ZMYM2: variants seen among roughly 807,000 people sequenced by gnomAD.
ZMYM2 encodes the protein zinc finger MYM-type protein 2.
Under a neutral mutation model 162.8 loss-of-function variants are expected in ZMYM2, and 56 were observed. The ratio of observed to expected loss-of-function variants is 0.34; its 90% CI spans 0.28 to 0.43. The LOEUF (loss-of-function observed/expected upper bound fraction) is 0.43, where lower values mean the gene tolerates loss of function less well. Among genes scored for constraint, ZMYM2 ranks in the 20% least tolerant of loss-of-function variants. The probability of loss-of-function intolerance (pLI) is 1.00; values close to 1 mark genes in which losing one functional copy is unlikely to be tolerated. For missense variants in ZMYM2, 1,275 were observed against 1,621.8 expected, an observed-to-expected ratio of 0.79 and a Z score of 3.67; for synonymous variants, 510 against 541.6, an observed-to-expected ratio of 0.94 and a Z score of 0.81.
At chr13:20,079,090 G>T (rs1957723275) in intron 21 of ZMYM2, among the ~76,000 whole-genome samples, 1 of 151,474 alleles carries the variant, frequency 6.6e-6, no homozygotes, top group African/African-American at 2.4e-5. Context: ...GGAGGCTGAG[G>T]CAGGCAGATC....
rs768191182 is a variant in ZMYM2, at chr13:20,003,025, C to T, written c.1023C>T (p.Gly341=). The T allele has an allele frequency of 1.9e-6, 3 of 1,614,164 alleles. No homozygotes were observed. Among genetic ancestry groups the T allele is most frequent in the Non-Finnish European group, 2.5e-6 (3 of 1,180,018 alleles). The part of the protein sequence containing the change: ...CANCKKPLQK[G]QTAYQRKGSA... ...ACTGCAAAAAACCTTTACAGAAGGG[C>T]CAGACAGCTTATCAACGAAAAGGAT... Residue 341 remains glycine (G), a synonymous_variant, in exon 4 of 25, where the codon GGC becomes GGT. Coordinates refer to ENST00000610343, the MANE Select transcript of ZMYM2 (RefSeq NM_197968.4).
chr13:19,970,742 C>G (rs1329476830), intron 2 of ZMYM2, among the ~76,000 whole-genome samples: 1 of 152,066 alleles, frequency 6.6e-6, no homozygotes, highest in Non-Finnish European at 1.5e-5. Context: ...GGTCTTTTCC[C>G]TCATGGACCT....
the ZMYM2 span, among the ~76,000 whole-genome samples, chr13:19,911,581 C>CAA: frequency 6.6e-6 from 1 of 152,134 alleles, no homozygotes; most frequent in African/African-American, 2.4e-5. Context: ...CACTGACTGT[C>CAA]AAATCTCAGA....
chr13:19,923,606 A>G, the ZMYM2 span, among the ~76,000 whole-genome samples: 1 of 141,450 alleles, frequency 7.1e-6, no homozygotes, highest in African/African-American at 2.7e-5. Flanking sequence ...CGATCCTTAC[A>G]CCCCAACTTC....
chr13:19,882,544 T>G, the ZMYM2 span, among the ~76,000 whole-genome samples: 1 of 151,978 alleles, frequency 6.6e-6, no homozygotes, highest in Non-Finnish European at 1.5e-5. Context: ...CCCAGGAGTT[T>G]GAGACCAGCC....
chr13:19,890,313 A>C, the ZMYM2 span, among the ~76,000 whole-genome samples: 1 of 151,348 alleles, frequency 6.6e-6, no homozygotes, highest in Non-Finnish European at 1.5e-5. Flanking sequence ...ACTACTTGAG[A>C]CCACCACGCC....
upstream of ZMYM2, among the ~76,000 whole-genome samples, chr13:19,957,513 AAAGAG>A (rs1954616352): frequency 6.6e-6 from 1 of 150,390 alleles, no homozygotes; most frequent in African/African-American, 2.5e-5. Context: ...ACGAGGAACA[AAAGAG>A]AAGACCCCTC....
chr13:19,917,111 C>G, the ZMYM2 span, among the ~76,000 whole-genome samples: 6 of 152,136 alleles, frequency 3.9e-5, no homozygotes, highest in African/African-American at 1.2e-4. Flanking sequence ...TACAGGCGCC[C>G]GCCACGACGC....
At chr13:19,901,317 T>C in the ZMYM2 span, among the ~76,000 whole-genome samples, 513 of 152,320 alleles carry the variant, frequency 3.4e-3, 1 homozygote, top group South Asian at 0.026. Flanking sequence ...CTCAAAGAGA[T>C]ATTAGTGCAT....
intron 2 of ZMYM2, among the ~76,000 whole-genome samples, chr13:19,976,542 C>G (rs553161970): frequency 3.3e-5 from 5 of 152,286 alleles, no homozygotes; most frequent in African/African-American, 1.2e-4. Flanking sequence ...AACCAGAACT[C>G]TACGTATTAA....
intron 12 of ZMYM2, among the ~76,000 whole-genome samples, chr13:20,043,025 A>G (rs890542282): frequency 4.0e-5 from 6 of 151,228 alleles, no homozygotes; most frequent in Non-Finnish European, 7.4e-5. Flanking sequence ...TGCCCAGCCA[A>G]TTTTTTTTTC....
In ZMYM2 at chr13:20,002,866, G is replaced by A. The variant is rs893877001; in HGVS notation, c.864G>A (p.Gln288=). 1 of 1,613,490 alleles carries A rather than the reference G, an allele frequency of 6.2e-7. No homozygotes were observed. The highest frequency in any genetic ancestry group is 2.2e-5 in the East Asian group (1 of 44,870). Residue 288 remains glutamine, a synonymous_variant, in exon 4 of 25, where the codon CAG becomes CAA. Transcript: ENST00000610343. ...GTTTTTAAGATTCTTGGATCTCCCA[G>A]TCAGCTTCATTTCCCCGTAATCAGA... ...THHNPDSWIS[Q]SASFPRNQKQ... is the part of the protein sequence containing the mutation.
At chr13:19,952,715 G>T in the ZMYM2 span, among the ~76,000 whole-genome samples, 3 of 152,138 alleles carry the variant, frequency 2.0e-5, no homozygotes, top group Non-Finnish European at 2.9e-5. Context: ...TATGGGGTTG[G>T]TTGGAGGCAT....
chr13:19,991,515 G>C (rs1566236565), intron 2 of ZMYM2, among the ~76,000 whole-genome samples: 1 of 152,062 alleles, frequency 6.6e-6, no homozygotes, highest in Admixed American at 6.6e-5. Flanking sequence ...ATAGCAGAAT[G>C]ATGAGTTTTG....
At chr13:19,979,703 C>T (rs1237367466) in intron 2 of ZMYM2, among the ~76,000 whole-genome samples, 1 of 152,194 alleles carries the variant, frequency 6.6e-6, no homozygotes, top group Non-Finnish European at 1.5e-5. Context: ...GCCCTGTGTA[C>T]AGCCAGCTGT....
chr13:19,876,255 G>A, the ZMYM2 span, among the ~76,000 whole-genome samples: 2 of 152,094 alleles, frequency 1.3e-5, no homozygotes, highest in Admixed American at 1.3e-4. Context: ...TCAAACTCCT[G>A]ACCTCCGGTG....
At chr13:20,081,718 C>T (rs573913240) in intron 21 of ZMYM2, among the ~76,000 whole-genome samples, 2 of 151,798 alleles carry the variant, frequency 1.3e-5, no homozygotes, top group African/African-American at 2.4e-5. Context: ...ATAATAAACA[C>T]GGGAGTCAAA....
At chr13:20,026,087 G>A (rs1489172173) in intron 7 of ZMYM2, 1 of 151,902 alleles carries the variant, frequency 6.6e-6, no homozygotes, top group East Asian at 1.9e-4. Context: ...TTTTATTGTG[G>A]TTTAATGAGA....
chr13:19,876,880 G>T, the ZMYM2 span, among the ~76,000 whole-genome samples: 1 of 152,086 alleles, frequency 6.6e-6, no homozygotes, highest in Admixed American at 6.6e-5. Flanking sequence ...ATGTGTCTTA[G>T]TCTATTTTGT....
Sources: allele counts gnomAD v4.1 joint callset (sites outside exome capture counted in the v4.1 genomes callset), GRCh38; gene constraint gnomAD v4.1.1; transcripts MANE v1.5; gene names NCBI Gene and HGNC (gene_info 2026-07-23, HGNC 2026-07-21).